RHOBTB1: variants seen among roughly 807,000 people sequenced by gnomAD.
RHOBTB1 encodes the protein Rho related BTB domain containing 1.
In RHOBTB1, 40 loss-of-function variants were observed where a neutral mutation model predicts 71.6. That is an observed-to-expected ratio of 0.56 (90% CI 0.43 to 0.73). RHOBTB1 has a LOEUF of 0.73. Among genes scored for constraint, RHOBTB1 ranks in the 30% least tolerant of loss-of-function variants. RHOBTB1 has a pLI of 0.00. For synonymous variants in RHOBTB1, 319 were observed against 334.9 expected (o/e 0.95, Z 0.52); for missense variants, 797 against 894.0 (o/e 0.89, Z 1.38).
intron 2 of RHOBTB1, among the ~76,000 whole-genome samples, chr10:60,911,926 C>G (rs541177255): frequency 6.6e-6 from 1 of 152,234 alleles, no homozygotes; most frequent in Admixed American, 6.5e-5. Context: ...AGTCCGGTCA[C>G]CTGTAGGGCT....
chr10:60,959,618 G>A (rs1426005252), intron 2 of RHOBTB1, among the ~76,000 whole-genome samples: 1 of 152,160 alleles, frequency 6.6e-6, no homozygotes, highest in Admixed American at 6.5e-5. Flanking sequence ...CTACAGTGAT[G>A]GCTCTGGCAA....
chr10:60,900,232 A>T (rs984358890), intron 4 of RHOBTB1, among the ~76,000 whole-genome samples: 1 of 152,112 alleles, frequency 6.6e-6, no homozygotes, highest in Admixed American at 6.5e-5. Context: ...GTCAGCGGAT[A>T]GGGAGGGAAA....
intron 2 of RHOBTB1, among the ~76,000 whole-genome samples, chr10:60,950,656 A>C (rs1016167660): frequency 2.0e-5 from 3 of 152,242 alleles, no homozygotes; most frequent in African/African-American, 7.2e-5. Flanking sequence ...AAAGTCCTTA[A>C]GGTGACTAAA....
Position 60,902,394 on chromosome 10 carries a change from C to T in RHOBTB1, c.296+8493G>A, listed in dbSNP as rs144338589. Among the ~76,000 whole-genome samples, 483 of 152,280 alleles carry T rather than the reference C, an allele frequency of 3.2e-3. 2 individuals carry two copies. Among genetic ancestry groups the T allele is most frequent in the African/African-American group, 0.011 (438 of 41,554 alleles). On this transcript the variant is annotated intron_variant, in intron 4 of 10. Transcript: ENST00000337910. ...CTTTAATTGTTCTACTTAATGCTCT[C>T]ATCTTTAGGCAAATGGATTAAAAAA...
In RHOBTB1 at chr10:60,880,626, C is replaced by T. The variant is rs537255280; in HGVS notation, c.1576-2568G>A. On this transcript the variant is annotated intron_variant, in intron 7 of 10. Transcript: ENST00000337910. ...TCATTTTAGGTTTCCAGCACAACCT[C>T]GACAACAAATAGAACTCAATGAGTT... Among the ~76,000 whole-genome samples the T allele has an allele frequency of 5.9e-5, 9 of 152,174 alleles. No individual in the cohort carries two copies. In the South Asian group the frequency reaches 1.9e-3, roughly 32 times the overall value.
intron 2 of RHOBTB1, among the ~76,000 whole-genome samples, chr10:60,920,955 GT>G (rs71018934): frequency 0.46 from 64,328 of 139,640 alleles, 14,610 homozygotes; most frequent in East Asian, 0.72. Flanking sequence ...TTTTTTTTTT[GT>G]TTTTTTTTTT....
At position 60,888,430 on chromosome 10, in the gene RHOBTB1, G is replaced by A. The variant is rs778306728; in HGVS notation, c.1238C>T (p.Thr413Ile). The A allele has an allele frequency of 6.2e-6, 10 of 1,614,036 alleles. No individual in the cohort carries two copies. The highest frequency in any genetic ancestry group is 8.5e-6 in the Non-Finnish European group (10 of 1,180,046). Reference protein sequence around the residue: ...DASVQPGPFRTLLQFLYTGQL... With the variant: ...DASVQPGPFRILLQFLYTGQL... ...TCCCGTATAAAGAAACTGGAGCAGGGTCCGAAAAGGGCCTGGCTGGACTGA... is the reference window on the plus strand; with the variant it reads ...TCCCGTATAAAGAAACTGGAGCAGGATCCGAAAAGGGCCTGGCTGGACTGA... Residue 413 changes from threonine (T) to isoleucine (I), a missense_variant, in exon 6 of 11, where the codon ACC (threonine) becomes ATC (isoleucine). By Grantham distance (89) the Thr-to-Ile change is moderately conservative. Transcript: ENST00000337910.
At chr10:60,943,515 G>A (rs1332375984) in intron 1 of RHOBTB1, among the ~76,000 whole-genome samples, 1 of 152,152 alleles carries the variant, frequency 6.6e-6, no homozygotes, top group Non-Finnish European at 1.5e-5. Flanking sequence ...GGGAGCGACT[G>A]TGGGCTGGCC....
At chr10:60,981,001 T>A (rs1362134992) in intron 2 of RHOBTB1, among the ~76,000 whole-genome samples, 1 of 152,228 alleles carries the variant, frequency 6.6e-6, no homozygotes. Flanking sequence ...GCTAGAAAGA[T>A]GTGTACATTA....
In RHOBTB1 at chr10:60,903,713, AG is replaced by A. The variant is rs1008756239; in HGVS notation, c.296+7173del. On this transcript the variant is annotated intron_variant, in intron 4 of 10. Transcript: ENST00000337910. ...GGGTCAGACTATGAGCCACTGAGGC[AG>A]GGGGGGTTCTATCTCTGAGAAAAGG... 7.3e-4 allele frequency among the ~76,000 whole-genome samples: 111 copies of A among 151,958 alleles called. 1 individual carries two copies. Among genetic ancestry groups the A allele is most frequent in the African/African-American group, 2.6e-3 (107 of 41,432 alleles).
intron 2 of RHOBTB1, among the ~76,000 whole-genome samples, chr10:60,979,243 C>T (rs1437344326): frequency 1.3e-5 from 2 of 152,006 alleles, no homozygotes; most frequent in East Asian, 1.9e-4. Context: ...TAAGAATTTA[C>T]CCAGTGTTTT....
At chr10:60,934,967 G>A (rs1438513511) in intron 2 of RHOBTB1, among the ~76,000 whole-genome samples, 1 of 152,166 alleles carries the variant, frequency 6.6e-6, no homozygotes, top group African/African-American at 2.4e-5. Context: ...ATATAGAGAA[G>A]GCAGTCGAGA....
intron 1 of RHOBTB1, among the ~76,000 whole-genome samples, chr10:60,991,339 A>C (rs1305862967): frequency 6.6e-6 from 1 of 152,136 alleles, no homozygotes; most frequent in Non-Finnish European, 1.5e-5. Flanking sequence ...TATGGCTAAA[A>C]AGGCTCCCTT....
intron 5 of RHOBTB1, among the ~76,000 whole-genome samples, chr10:60,892,154 C>A (rs1302210085): frequency 6.6e-6 from 1 of 152,176 alleles, no homozygotes; most frequent in Non-Finnish European, 1.5e-5. Context: ...TGAGAATGGA[C>A]TAATACACCC....
intron 9 of RHOBTB1, among the ~76,000 whole-genome samples, chr10:60,874,607 T>C (rs1211462361): frequency 2.6e-5 from 4 of 152,306 alleles, no homozygotes; most frequent in South Asian, 2.1e-4. Context: ...CGGGGCTTCA[T>C]GGAATTCTAG....
At chr10:60,992,224 C>T (rs1219385006) in intron 1 of RHOBTB1, among the ~76,000 whole-genome samples, 1 of 152,150 alleles carries the variant, frequency 6.6e-6, no homozygotes, top group Non-Finnish European at 1.5e-5. Flanking sequence ...TTTACCTTCT[C>T]ATTCACGCTT....
intron 1 of RHOBTB1, among the ~76,000 whole-genome samples, chr10:60,994,558 T>C (rs2086979699): frequency 6.6e-6 from 1 of 152,180 alleles, no homozygotes; most frequent in Admixed American, 6.5e-5. Flanking sequence ...TCTTGAAATA[T>C]CTGCATGATG....
intron 2 of RHOBTB1, among the ~76,000 whole-genome samples, chr10:60,978,379 A>G (rs991856268): frequency 6.6e-6 from 1 of 152,200 alleles, no homozygotes; most frequent in Non-Finnish European, 1.5e-5. Flanking sequence ...ACTTGCATAG[A>G]CATAGTAGTT....
Position 60,875,006 on chromosome 10 carries a change from G to C in RHOBTB1, c.1763C>G (p.Thr588Arg), listed in dbSNP as rs199994411. The C allele has an allele frequency of 1.2e-6, 2 of 1,613,990 alleles. No individual in the cohort carries two copies. Among genetic ancestry groups the C allele is most frequent in the Non-Finnish European group, 1.7e-6 (2 of 1,179,984 alleles). Residue 588 changes from threonine to arginine, a missense_variant, in exon 9 of 11, where the codon ACG becomes AGG. This residue lies in a region of RHOBTB1 where 658 missense variants were observed against 681.5 expected (regional missense o/e 0.97). Transcript: ENST00000337910. ...TTCTCCGTCAATGCCCACGCCACTCGTGGCGGCTTTGGTCAACTCCTGAAC... is the reference window on the plus strand; with the variant it reads ...TTCTCCGTCAATGCCCACGCCACTCCTGGCGGCTTTGGTCAACTCCTGAAC... ...HAVQELTKAATSGVGIDGEVL... is the reference protein window; with the variant it reads ...HAVQELTKAARSGVGIDGEVL...
Sources: gnomAD v4.1 joint callset for allele counts (sites outside exome capture counted in the v4.1 genomes callset) on GRCh38, gnomAD v4.1.1 for gene constraint, gnomAD v4.1.1 regional missense constraint, MANE v1.5 for transcripts, NCBI Gene and HGNC (gene_info 2026-07-23, HGNC 2026-07-21) for gene names.